The following PTBP3 variants were observed in gnomAD, a reference collection of about 807,000 sequenced individuals.
PTBP3 encodes the protein polypyrimidine tract binding protein 3.
In PTBP3, 20 loss-of-function variants were observed where a neutral mutation model predicts 58.7. That is an observed-to-expected ratio of 0.34 (90% CI 0.24 to 0.50). PTBP3 has a LOEUF of 0.50. Among genes scored for constraint, PTBP3 ranks in the 20% least tolerant of loss-of-function variants. The pLI is 0.98. For missense variants in PTBP3, 509 were observed against 637.2 expected (o/e 0.80, Z 2.17); for synonymous variants, 185 against 219.8 (o/e 0.84, Z 1.40).
At chr9:112,228,269 A>C in intron 11 of PTBP3, 111 bp downstream of exon 11, 1 of 667,348 alleles carries the variant, frequency 1.5e-6, no homozygotes, top group Non-Finnish European at 2.5e-6. Context: ...CATTATCACA[A>C]GGAGGTGTTC....
the PTBP3 span, among the ~76,000 whole-genome samples, chr9:112,361,775 A>G: frequency 1.3e-5 from 2 of 152,230 alleles, no homozygotes; most frequent in Non-Finnish European, 2.9e-5. Context: ...GACTGTGGAC[A>G]TTCGGGAACT....
chr9:112,292,636 A>G (rs963938929), intron 2 of PTBP3, among the ~76,000 whole-genome samples: 1 of 152,204 alleles, frequency 6.6e-6, no homozygotes, highest in Admixed American at 6.5e-5. Context: ...ACATAAATGA[A>G]CCTTGAGGAC....
At chr9:112,345,885 C>T in the PTBP3 span, among the ~76,000 whole-genome samples, 7 of 150,946 alleles carry the variant, frequency 4.6e-5, no homozygotes, top group South Asian at 2.1e-4. Context: ...GACAGAGTCT[C>T]GCTCTGTTGC....
At chr9:112,243,192 T>C (rs1321140708) in intron 7 of PTBP3, among the ~76,000 whole-genome samples, 1 of 151,728 alleles carries the variant, frequency 6.6e-6, no homozygotes, top group Non-Finnish European at 1.5e-5. Flanking sequence ...TTCCCATTTC[T>C]ATATTAATTT....
At chr9:112,371,151 A>C in the PTBP3 span, among the ~76,000 whole-genome samples, 237 of 152,276 alleles carry the variant, frequency 1.6e-3, 1 homozygote, top group African/African-American at 5.5e-3. Context: ...CCCCAGTACA[A>C]TGTTGAATAT....
chr9:112,333,012 C>T (rs2132504739), intron 1 of PTBP3: 1 of 1,278,402 alleles, frequency 7.8e-7, no homozygotes, highest in Middle Eastern at 3.0e-4. Context: ...CGCCGTCGGC[C>T]GCTCGCCCCA....
intron 7 of PTBP3, among the ~76,000 whole-genome samples, chr9:112,245,872 G>T (rs918543888): frequency 6.6e-6 from 1 of 152,110 alleles, no homozygotes; most frequent in Non-Finnish European, 1.5e-5. Context: ...AATAAAATAA[G>T]AATCTATGAG....
chr9:112,335,937 A>C (rs10481669), upstream of PTBP3, among the ~76,000 whole-genome samples: 3 of 149,326 alleles, frequency 2.0e-5, no homozygotes, highest in Non-Finnish European at 1.5e-5. Flanking sequence ...GCAGTGGCAC[A>C]ATCTCGGCTC....
chr9:112,260,983 C>T (rs1022198315), intron 5 of PTBP3, among the ~76,000 whole-genome samples: 3 of 152,180 alleles, frequency 2.0e-5, no homozygotes, highest in Non-Finnish European at 2.9e-5. Context: ...TGTAGCTAAA[C>T]TTGCTGCTGG....
At chr9:112,373,036 A>AG in the PTBP3 span, among the ~76,000 whole-genome samples, 141,803 of 151,956 alleles carry the variant, frequency 0.93, 66,248 homozygotes, top group Admixed American at 0.96. Flanking sequence ...CTGGGACTAC[A>AG]GTGCCCGCCA....
At chr9:112,338,210 A>G (rs954783703), upstream of PTBP3, among the ~76,000 whole-genome samples, 1 of 152,238 alleles carries the variant, frequency 6.6e-6, no homozygotes, top group Non-Finnish European at 1.5e-5. Context: ...ACAAGGGAGT[A>G]AGAACGGGGA....
chr9:112,358,896 C>T, the PTBP3 span, among the ~76,000 whole-genome samples: 2 of 152,172 alleles, frequency 1.3e-5, no homozygotes, highest in African/African-American at 4.8e-5. Context: ...GGCTGCAGTA[C>T]AGTGGCACAA....
chr9:112,241,151 T>A (rs996900707), intron 7 of PTBP3, among the ~76,000 whole-genome samples: 32 of 152,238 alleles, frequency 2.1e-4, no homozygotes, highest in Non-Finnish European at 1.0e-4. Context: ...TCGCCCAGGC[T>A]GGAGTGCAGT....
the PTBP3 span, chr9:112,363,053 A>C: frequency 5.6e-6 from 1 of 179,272 alleles, no homozygotes; most frequent in African/African-American, 2.4e-5. Context: ...TGGAAAGGGC[A>C]GCCCAGCTGG....
intron 1 of PTBP3, among the ~76,000 whole-genome samples, chr9:112,331,333 T>C (rs1211190218): frequency 6.6e-6 from 1 of 152,174 alleles, no homozygotes; most frequent in Non-Finnish European, 1.5e-5. Context: ...CCCTTTAAAG[T>C]CCTGCCATAC....
intron 2 of PTBP3, among the ~76,000 whole-genome samples, chr9:112,278,837 T>A (rs149618480): frequency 1.3e-5 from 2 of 152,368 alleles, no homozygotes; most frequent in African/African-American, 4.8e-5. Flanking sequence ...CTTTTCAATA[T>A]ATTTTAAATG....
At chr9:112,315,186 G>A (rs1587879408) in intron 1 of PTBP3, among the ~76,000 whole-genome samples, 1 of 151,766 alleles carries the variant, frequency 6.6e-6, no homozygotes, top group Non-Finnish European at 1.5e-5. Context: ...ACATTCAAGT[G>A]TACACAGAAC....
chr9:112,306,126 G>T (rs1244706033), intron 1 of PTBP3, among the ~76,000 whole-genome samples: 1 of 151,996 alleles, frequency 6.6e-6, no homozygotes, highest in Non-Finnish European at 1.5e-5. Context: ...TCTTCACATG[G>T]TTAAATAAAT....
Position 112,220,660 on chromosome 9 carries a change from T to C in PTBP3, c.*3191A>G. 1 of 987,528 alleles carries C rather than the reference T, an allele frequency of 1.0e-6. No individual in the cohort carries two copies. The highest frequency in any genetic ancestry group is 4.6e-5 in the South Asian group (1 of 21,604). The allele number at this position is 987,528 out of a possible 1,614,324, so 61.2% of individuals were successfully genotyped here. A position where few individuals can be genotyped will look rare whatever the true frequency, so the allele number is the denominator to read the frequency against. Reference sequence around the variant, plus strand: ...GCTGGGTAATTCTGATACTCTCCAGTAAGTATCAATTAAGATACTGGGTCA... The same window carrying C: ...GCTGGGTAATTCTGATACTCTCCAGCAAGTATCAATTAAGATACTGGGTCA... On this transcript the variant is annotated 3_prime_UTR_variant, in exon 14 of 14. Coordinates refer to ENST00000374257, the MANE Select transcript of PTBP3 (RefSeq NM_001163788.4).
Sources: gnomAD v4.1 joint callset for allele counts (sites outside exome capture counted in the v4.1 genomes callset) on GRCh38, gnomAD v4.1.1 for gene constraint, MANE v1.5 for transcripts, NCBI Gene and HGNC (gene_info 2026-07-23, HGNC 2026-07-21) for gene names.